The following SEMA3E variants were observed in gnomAD, a reference collection of about 807,000 sequenced individuals.
The protein encoded by SEMA3E is semaphorin-3E.
SEMA3E carries 49 observed loss-of-function variants against 93.6 expected under a neutral mutation model. The ratio of observed to expected loss-of-function variants is 0.52; its 90% CI spans 0.42 to 0.66. The LOEUF (loss-of-function observed/expected upper bound fraction) is 0.66, where lower values mean the gene tolerates loss of function less well. Ranked by LOEUF, SEMA3E falls within the 30% of genes least tolerant of loss-of-function variation. SEMA3E has a pLI of 0.00. For synonymous variants in SEMA3E, 363 were observed against 330.7 expected (o/e 1.10, Z -1.06); for missense variants, 906 against 964.8 (o/e 0.94, Z 0.81).
intron 1 of SEMA3E, among the ~76,000 whole-genome samples, chr7:83,594,930 C>G (rs215316): frequency 0.57 from 85,903 of 150,050 alleles, 26,240 homozygotes; most frequent in African/African-American, 0.8. Context: ...TTGGGGAGGG[C>G]TGAGTTTTCC....
At chr7:83,617,856 G>A (rs986051381) in intron 1 of SEMA3E, among the ~76,000 whole-genome samples, 20 of 151,714 alleles carry the variant, frequency 1.3e-4, no homozygotes, top group Middle Eastern at 3.2e-3. Flanking sequence ...ATAAGGAGTC[G>A]AATGACTATG....
chr7:83,382,401 T>G (rs1258904173), intron 16 of SEMA3E, among the ~76,000 whole-genome samples: 1 of 151,998 alleles, frequency 6.6e-6, no homozygotes, highest in Admixed American at 6.6e-5. Context: ...GTCAGGTCTG[T>G]CCCTAACTTT....
At chr7:83,543,943 C>G (rs1012654388) in intron 1 of SEMA3E, among the ~76,000 whole-genome samples, 1 of 152,036 alleles carries the variant, frequency 6.6e-6, no homozygotes, top group African/African-American at 2.4e-5. Context: ...TTAGGTCAAA[C>G]ATTCTTTATT....
intron 2 of SEMA3E, among the ~76,000 whole-genome samples, chr7:83,469,943 A>G (rs1313144140): frequency 1.3e-5 from 2 of 151,652 alleles, no homozygotes; most frequent in African/African-American, 4.9e-5. Flanking sequence ...ACTATGGCCC[A>G]CCCAGCTAAT....
intron 4 of SEMA3E, among the ~76,000 whole-genome samples, chr7:83,440,336 A>T (rs1256628661): frequency 6.6e-6 from 1 of 152,000 alleles, no homozygotes; most frequent in Non-Finnish European, 1.5e-5. Context: ...TGGGAAAGGG[A>T]GTGGTAATAT....
intron 4 of SEMA3E, among the ~76,000 whole-genome samples, chr7:83,430,572 A>G (rs975759686): frequency 2.6e-5 from 4 of 152,314 alleles, no homozygotes; most frequent in African/African-American, 9.6e-5. Context: ...GCAACCTAAG[A>G]CAGGAACAGA....
intron 14 of SEMA3E, among the ~76,000 whole-genome samples, chr7:83,387,611 T>G (rs1332963852): frequency 6.6e-6 from 1 of 151,796 alleles, no homozygotes; most frequent in East Asian, 1.9e-4. Context: ...AGATATAACA[T>G]TGCCTCTATT....
At chr7:83,389,152 A>C (rs1787942801) in intron 14 of SEMA3E, among the ~76,000 whole-genome samples, 1 of 152,222 alleles carries the variant, frequency 6.6e-6, no homozygotes, top group African/African-American at 2.4e-5. Context: ...ATAACAAGCA[A>C]AAGTAGAAAG....
intron 2 of SEMA3E, among the ~76,000 whole-genome samples, chr7:83,482,705 C>T (rs1001038107): frequency 6.6e-6 from 1 of 151,988 alleles, no homozygotes; most frequent in Non-Finnish European, 1.5e-5. Flanking sequence ...AACACAATGC[C>T]TACTCTTAGG....
chr7:83,440,255 A>G (rs965147382), intron 4 of SEMA3E, among the ~76,000 whole-genome samples: 1 of 152,142 alleles, frequency 6.6e-6, no homozygotes, highest in South Asian at 2.1e-4. Flanking sequence ...ATAATGAGGT[A>G]CATAGTGTTA....
chr7:83,591,121 A>AAAAC (rs1301693114), intron 1 of SEMA3E, among the ~76,000 whole-genome samples: 66 of 143,048 alleles, frequency 4.6e-4, no homozygotes, highest in African/African-American at 1.8e-3. Context: ...AAAAAAAAAA[A>AAAAC]ACAAGAGGAA....
chr7:83,628,427 A>G (rs984458473), intron 1 of SEMA3E, among the ~76,000 whole-genome samples: 37 of 152,128 alleles, frequency 2.4e-4, no homozygotes, highest in African/African-American at 7.5e-4. Context: ...AGGTACACCA[A>G]TGAAACATAG....
chr7:83,372,802 T>C (rs1794767386), intron 16 of SEMA3E: 1 of 152,158 alleles, frequency 6.6e-6, no homozygotes, highest in East Asian at 1.9e-4. Flanking sequence ...ATTATGTAGG[T>C]TAAATCACCT....
intron 1 of SEMA3E, among the ~76,000 whole-genome samples, chr7:83,552,222 G>A (rs1480225593): frequency 6.6e-6 from 1 of 152,188 alleles, no homozygotes; most frequent in Non-Finnish European, 1.5e-5. Flanking sequence ...TGGAGCCACG[G>A]CAGAGGAACA....
At chr7:83,453,984 C>G (rs909129694) in intron 4 of SEMA3E, among the ~76,000 whole-genome samples, 2 of 151,360 alleles carry the variant, frequency 1.3e-5, no homozygotes, top group African/African-American at 4.9e-5. Flanking sequence ...TTGGGCCGGG[C>G]GTGATGGTTC....
At chr7:83,379,628 C>G (rs1043122050) in intron 16 of SEMA3E, among the ~76,000 whole-genome samples, 2 of 151,778 alleles carry the variant, frequency 1.3e-5, no homozygotes, top group African/African-American at 4.8e-5. Context: ...TCATCACTCT[C>G]TAAGGTAAGC....
At chr7:83,598,360 T>C (rs1183424756) in intron 1 of SEMA3E, among the ~76,000 whole-genome samples, 3 of 152,210 alleles carry the variant, frequency 2.0e-5, no homozygotes, top group Non-Finnish European at 4.4e-5. Flanking sequence ...ACTCTAAGAA[T>C]GCCACCATGA....
chr7:83,402,112 T>C (rs183451284), intron 10 of SEMA3E, among the ~76,000 whole-genome samples: 8 of 152,106 alleles, frequency 5.3e-5, no homozygotes, highest in African/African-American at 1.7e-4. Flanking sequence ...GGATGTTAAA[T>C]GAGGTGCTAA....
intron 14 of SEMA3E, among the ~76,000 whole-genome samples, chr7:83,388,139 T>C (rs1002883653): frequency 6.7e-6 from 1 of 148,194 alleles, no homozygotes; most frequent in Non-Finnish European, 1.5e-5. Flanking sequence ...TGAAACCCCG[T>C]GTCTACTAAA....
Sources: allele counts gnomAD v4.1 joint callset (sites outside exome capture counted in the v4.1 genomes callset), GRCh38; gene constraint gnomAD v4.1.1; transcripts MANE v1.5; gene names NCBI Gene and HGNC (gene_info 2026-07-23, HGNC 2026-07-21).